The following AGBL4 variants were observed in gnomAD, a reference collection of about 807,000 sequenced individuals.
AGBL4 encodes AGBL carboxypeptidase 4, also known as cytosolic carboxypeptidase 6.
AGBL4 carries 58 observed loss-of-function variants against 66.4 expected under a neutral mutation model. That is an observed-to-expected ratio of 0.87 (90% CI 0.71 to 1.09). AGBL4 has a LOEUF of 1.09. Ranked by LOEUF, AGBL4 falls within the 50% of genes least tolerant of loss-of-function variation. AGBL4 has a pLI of 0.00. For missense variants in AGBL4, 579 were observed against 631.0 expected (o/e 0.92, Z 0.88); for synonymous variants, 234 against 222.9 (o/e 1.05, Z -0.44).
intron 5 of AGBL4, among the ~76,000 whole-genome samples, chr1:48,868,403 G>A (rs920951571): frequency 3.9e-5 from 6 of 152,174 alleles, no homozygotes; most frequent in African/African-American, 1.4e-4. Context: ...GTACTTTGAT[G>A]TATCAATTTT....
intron 6 of AGBL4, among the ~76,000 whole-genome samples, chr1:48,698,164 G>C: frequency 6.6e-6 from 1 of 152,176 alleles, no homozygotes; most frequent in East Asian, 1.9e-4. Flanking sequence ...CTTGGTTTGG[G>C]GGTGACCTCA....
In AGBL4 at chr1:48,799,687, T is replaced by C. The variant is rs931492691; in HGVS notation, c.634+67504A>G. Among the ~76,000 whole-genome samples the C allele has an allele frequency of 4.6e-5, 7 of 152,226 alleles. 1 individual carries two copies. The highest frequency in any genetic ancestry group is 3.3e-4 in the Admixed American group (5 of 15,290). On this transcript the variant is annotated intron_variant, in intron 6 of 13. Transcript: ENST00000371839. ...TATGACACTTCTATGCTGATTTTGC[T>C]GAGGGTTTTAATCATAAAGAGATGC...
At chr1:49,247,010 C>A (rs1341475101) in intron 3 of AGBL4, among the ~76,000 whole-genome samples, 5 of 152,018 alleles carry the variant, frequency 3.3e-5, no homozygotes, top group Non-Finnish European at 5.9e-5. Context: ...TTAACACCCT[C>A]ATTTAATAAA....
At chr1:48,830,524 G>T (rs776886802) in intron 6 of AGBL4, among the ~76,000 whole-genome samples, 1 of 152,190 alleles carries the variant, frequency 6.6e-6, no homozygotes, top group Non-Finnish European at 1.5e-5. Context: ...CAATTCCCCC[G>T]ATTTTGTATC....
At chr1:49,842,126 G>T in intron 2 of AGBL4, 1 of 356,060 alleles carries the variant, frequency 2.8e-6, no homozygotes. Context: ...CCCAACCACA[G>T]CCTCTGCCTC....
At chr1:49,580,967 G>T (rs1644530981) in intron 3 of AGBL4, among the ~76,000 whole-genome samples, 1 of 151,902 alleles carries the variant, frequency 6.6e-6, no homozygotes, top group Non-Finnish European at 1.5e-5. Context: ...TAAACTTTTT[G>T]ATTCTTCCCT....
chr1:49,049,205 C>G (rs944272739), intron 4 of AGBL4, among the ~76,000 whole-genome samples: 19 of 152,106 alleles, frequency 1.2e-4, no homozygotes, highest in African/African-American at 4.6e-4. Flanking sequence ...CTTTCCTCTA[C>G]CTGGTCTGCC....
At chr1:48,714,810 A>C (rs975676800) in intron 6 of AGBL4, among the ~76,000 whole-genome samples, 7 of 152,194 alleles carry the variant, frequency 4.6e-5, no homozygotes, top group African/African-American at 1.7e-4. Context: ...CTTGGAACCC[A>C]TGCTCCAGAC....
intron 1 of AGBL4, among the ~76,000 whole-genome samples, chr1:49,883,334 C>T (rs553610764): frequency 7.9e-5 from 12 of 152,186 alleles, no homozygotes; most frequent in South Asian, 2.1e-4. Context: ...AACCTGTAGA[C>T]GTGCATAAAA....
At chr1:49,607,099 CATAAA>C (rs1645075309) in intron 3 of AGBL4, among the ~76,000 whole-genome samples, 1 of 152,052 alleles carries the variant, frequency 6.6e-6, no homozygotes, top group South Asian at 2.1e-4. Context: ...TTGTGGTATT[CATAAA>C]ATAAAAGGTT....
intron 6 of AGBL4, among the ~76,000 whole-genome samples, chr1:48,862,271 A>G (rs1272429678): frequency 6.6e-6 from 1 of 152,146 alleles, no homozygotes; most frequent in Non-Finnish European, 1.5e-5. Context: ...CCTGCGTGCC[A>G]TTCTCCTTTA....
intron 3 of AGBL4, among the ~76,000 whole-genome samples, chr1:49,643,761 C>T (rs1645830624): frequency 6.6e-6 from 1 of 151,568 alleles, no homozygotes; most frequent in Non-Finnish European, 1.5e-5. Context: ...TTGTAAAAGA[C>T]TTTACCTAGT....
intron 3 of AGBL4, among the ~76,000 whole-genome samples, chr1:49,304,153 G>A (rs1181487438): frequency 6.6e-6 from 1 of 152,092 alleles, no homozygotes; most frequent in Non-Finnish European, 1.5e-5. Context: ...GTTAATTTTT[G>A]TATAAGGTGT....
At position 48,736,100 on chromosome 1, in the gene AGBL4, G is replaced by A. The variant is rs1648997913; in HGVS notation, c.635-72859C>T. On this transcript the variant is annotated intron_variant, in intron 6 of 13. Coordinates refer to ENST00000371839, the MANE Select transcript of AGBL4 (RefSeq NM_032785.4). The surrounding 1 kb of genome is among the most constrained non-coding windows in gnomAD (Gnocchi z 4.0). ...CTCTTCTGGGGCATTTGGGTTATCC[G>A]CTTGGTGTCCCCGGGCTCAGCCCAG... 5.5e-6 allele frequency: 5 copies of A among 909,528 alleles called. No homozygotes were observed. The highest frequency in any genetic ancestry group is 3.2e-5 in the South Asian group (2 of 61,864). 56.3% of individuals were successfully genotyped at this position (909,528 alleles called of 1,614,324 possible).
At chr1:49,095,317 A>C (rs1645075360) in intron 4 of AGBL4, among the ~76,000 whole-genome samples, 1 of 152,226 alleles carries the variant, frequency 6.6e-6, no homozygotes, top group Admixed American at 6.5e-5. Context: ...CTTTCTTCAC[A>C]AAATTTGAAA....
intron 3 of AGBL4, among the ~76,000 whole-genome samples, chr1:49,657,341 C>T (rs542801838): frequency 6.6e-6 from 1 of 152,142 alleles, no homozygotes; most frequent in African/African-American, 2.4e-5. Context: ...CAAACCACTG[C>T]TCAAGGAAAT....
At chr1:48,881,552 A>G (rs1395830051) in intron 5 of AGBL4, among the ~76,000 whole-genome samples, 1 of 152,152 alleles carries the variant, frequency 6.6e-6, no homozygotes, top group Non-Finnish European at 1.5e-5. Flanking sequence ...TGTTTTCCCT[A>G]AATAACAAGG....
intron 3 of AGBL4, among the ~76,000 whole-genome samples, chr1:49,554,904 G>A (rs1441626252): frequency 2.0e-5 from 3 of 151,982 alleles, no homozygotes; most frequent in South Asian, 2.1e-4. Flanking sequence ...TGGTGGGTTC[G>A]TGGTCTCGCT....
At chr1:49,186,221 C>T (rs781428181) in intron 4 of AGBL4, among the ~76,000 whole-genome samples, 1 of 152,146 alleles carries the variant, frequency 6.6e-6, no homozygotes, top group Non-Finnish European at 1.5e-5. Flanking sequence ...TATTCATATG[C>T]CCCTCTCCCT....
Sources: allele counts gnomAD v4.1 joint callset (sites outside exome capture counted in the v4.1 genomes callset), GRCh38; gene constraint gnomAD v4.1.1; non-coding constraint Gnocchi (gnomAD v3.1); transcripts MANE v1.5; gene names NCBI Gene and HGNC (gene_info 2026-07-23, HGNC 2026-07-21).